The following SPATS2 variants were observed in gnomAD, a reference collection of about 807,000 sequenced individuals.
The protein encoded by SPATS2 is spermatogenesis associated serine rich 2, also known as spermatogenesis-associated serine-rich protein 2.
A neutral mutation model predicts 63.7 loss-of-function variants in SPATS2; 38 were observed. The observed-to-expected ratio is 0.60, with a 90% CI of 0.46 to 0.78. The LOEUF is 0.78. SPATS2 is among the 30% of genes least tolerant of loss of function. The pLI, the probability that SPATS2 is intolerant of heterozygous loss-of-function variation, is 0.00. For synonymous variants in SPATS2, 207 were observed against 232.9 expected (o/e 0.89, Z 1.01); for missense variants, 588 against 666.2 (o/e 0.88, Z 1.29).
intron 3 of SPATS2, among the ~76,000 whole-genome samples, chr12:49,467,970 T>C (rs1251805984): frequency 6.6e-6 from 1 of 151,988 alleles, no homozygotes; most frequent in Non-Finnish European, 1.5e-5. Context: ...CCTGACCTCG[T>C]GATCCACCCG....
chr12:49,500,165 A>G lies in SPATS2; in HGVS notation c.799A>G (p.Ile267Val), dbSNP rs1411473326. 1 of 1,611,740 alleles carries G rather than the reference A, an allele frequency of 6.2e-7. No homozygotes were observed. The highest frequency in any genetic ancestry group is 8.5e-7 in the Non-Finnish European group (1 of 1,179,148). ...VVVKEEMDAS[I>V]KKMKQAFAEL... ...AGTTAAAGAAGAGATGGATGCCTCC[A>G]TTAAGAAAATGAAACAAGCCTTTGC... The change falls in exon 9 of 14, where the codon ATT becomes GTT. Residue 267 changes from isoleucine (I) to valine (V), a missense_variant. By Grantham distance (29) the Ile-to-Val change is conservative (BLOSUM62 3). Transcript: ENST00000552918.
At chr12:49,480,400 G>A (rs1232217904) in intron 3 of SPATS2, among the ~76,000 whole-genome samples, 2 of 152,156 alleles carry the variant, frequency 1.3e-5, no homozygotes, top group Admixed American at 6.5e-5. Flanking sequence ...ATGTTATTGT[G>A]GAGGTCTAGC....
chr12:49,391,621 ATGT>A lies in SPATS2; in HGVS notation c.-244+20335_-244+20337del, dbSNP rs529927788. On this transcript the variant is annotated intron_variant, in intron 2 of 13. Transcript: ENST00000552918. ...CATCAGTTGAAACCTAAATTTTCTA[ATGT>A]TGTGATTGTAGTAAAAAGGGATAAA... is the stretch of plus-strand genomic sequence containing the variant. 1.9e-3 allele frequency among the ~76,000 whole-genome samples: 297 copies of A among 152,372 alleles called. 1 individual carries two copies. Among genetic ancestry groups the A allele is most frequent in the African/African-American group, 6.8e-3 (281 of 41,584 alleles).
At position 49,454,881 on chromosome 12, in the gene SPATS2, A is replaced by T. The variant is rs200312440; in HGVS notation, c.-243-5889A>T. ...GGTGACAGAGTGAGGCTCTGTCTTT[A>T]AAAAAAAAAAAAAAAAACAGTCCAT... On this transcript the variant is annotated intron_variant, in intron 2 of 13. Coordinates refer to ENST00000552918, the MANE Select transcript of SPATS2 (RefSeq NM_023071.4). Among the ~76,000 whole-genome samples the T allele has an allele frequency of 7.9e-3, 954 of 120,078 alleles. 7 individuals carry two copies. The highest frequency in any genetic ancestry group is 0.033 in the African/African-American group (883 of 26,618). The allele number at this position is 120,078 out of a possible 152,430, so 78.8% of individuals were successfully genotyped here.
chr12:49,490,574 AG>A (rs1946365368), intron 5 of SPATS2, 107 bp from the exon 6 acceptor site: 1 of 1,021,804 alleles, frequency 9.8e-7, no homozygotes, highest in African/African-American at 1.6e-5. Context: ...CTTTTCTGTT[AG>A]GAGCTTTGTA....
At chr12:49,459,689 C>G (rs117634460) in intron 2 of SPATS2, among the ~76,000 whole-genome samples, 1,561 of 149,732 alleles carry the variant, frequency 0.01, 20 homozygotes, top group Middle Eastern at 0.055. Context: ...TTCTTCGTGC[C>G]TCTAAGTCCA....
intron 3 of SPATS2, chr12:49,469,507 C>A (rs1274632220): frequency 5.0e-6 from 2 of 400,380 alleles, no homozygotes; most frequent in South Asian, 3.6e-5. Context: ...CCACGGTGAG[C>A]TGTGATCCTG....
chr12:49,459,537 G>A (rs1037105408), intron 2 of SPATS2, among the ~76,000 whole-genome samples: 7 of 151,524 alleles, frequency 4.6e-5, no homozygotes, highest in South Asian at 2.1e-4. Context: ...TGGTAGAGAC[G>A]GGGTTTCTCC....
At chr12:49,390,714 A>G (rs1944404287) in intron 2 of SPATS2, among the ~76,000 whole-genome samples, 1 of 152,210 alleles carries the variant, frequency 6.6e-6, no homozygotes, top group African/African-American at 2.4e-5. Flanking sequence ...TGTACCATAA[A>G]CAAAAAAGGT....
chr12:49,458,086 C>T (rs1945750866), intron 2 of SPATS2, among the ~76,000 whole-genome samples: 1 of 152,194 alleles, frequency 6.6e-6, no homozygotes, highest in African/African-American at 2.4e-5. Context: ...TATAAGTGTA[C>T]TCTCCTTTCC....
At chr12:49,393,345 C>T (rs906549950) in intron 2 of SPATS2, among the ~76,000 whole-genome samples, 6 of 151,988 alleles carry the variant, frequency 3.9e-5, no homozygotes, top group Non-Finnish European at 8.8e-5. Flanking sequence ...TTTTAGCAGC[C>T]ATTGATTGTT....
intron 2 of SPATS2, among the ~76,000 whole-genome samples, chr12:49,388,062 G>A (rs745360592): frequency 1.3e-5 from 2 of 151,056 alleles, no homozygotes; most frequent in African/African-American, 4.9e-5. Context: ...AACTACAGGC[G>A]TGCACCACTA....
chr12:49,480,475 C>CT (rs199966700), intron 3 of SPATS2, among the ~76,000 whole-genome samples: 28 of 151,294 alleles, frequency 1.9e-4, no homozygotes, highest in Admixed American at 1.6e-3. Flanking sequence ...GATGATTATT[C>CT]TTTTTTTTTA....
chr12:49,431,940 A>G (rs1461494077), intron 2 of SPATS2, among the ~76,000 whole-genome samples: 1 of 152,054 alleles, frequency 6.6e-6, no homozygotes, highest in Non-Finnish European at 1.5e-5. Flanking sequence ...GATCGTTTGA[A>G]CCTGGGAGGT....
intron 2 of SPATS2, among the ~76,000 whole-genome samples, chr12:49,388,255 A>G (rs1944355121): frequency 6.6e-6 from 1 of 152,206 alleles, no homozygotes; most frequent in Non-Finnish European, 1.5e-5. Context: ...TTGTATTTCA[A>G]AAATCTGATT....
At chr12:49,513,829 A>G (rs1001003430) in intron 9 of SPATS2, among the ~76,000 whole-genome samples, 11 of 152,188 alleles carry the variant, frequency 7.2e-5, no homozygotes, top group Admixed American at 5.2e-4. Context: ...ATGCAAGGCC[A>G]TCAAATTTTA....
chr12:49,452,593 T>G (rs1945643027), intron 2 of SPATS2, among the ~76,000 whole-genome samples: 4 of 152,158 alleles, frequency 2.6e-5, no homozygotes, highest in Admixed American at 1.3e-4. Flanking sequence ...TTCTTCATTG[T>G]TTTTTCTCCC....
At chr12:49,461,303 G>A (rs1418884350) in intron 3 of SPATS2, 1 of 393,642 alleles carries the variant, frequency 2.5e-6, no homozygotes, top group Non-Finnish European at 4.5e-6. Flanking sequence ...TTAGGGAGAT[G>A]TGTTAAGAGG....
At chr12:49,406,284 CTT>C (rs775907945) in intron 2 of SPATS2, among the ~76,000 whole-genome samples, 16 of 142,386 alleles carry the variant, frequency 1.1e-4, no homozygotes, top group Non-Finnish European at 1.1e-4. Context: ...TTTTTGTAAA[CTT>C]TTTTTTTTTT....
Sources: allele counts gnomAD v4.1 joint callset (sites outside exome capture counted in the v4.1 genomes callset), GRCh38; gene constraint gnomAD v4.1.1; transcripts MANE v1.5; gene names NCBI Gene and HGNC (gene_info 2026-07-23, HGNC 2026-07-21).